DLEC1: variants seen among roughly 807,000 people sequenced by gnomAD.
The protein encoded by DLEC1 is DLEC1 cilia and flagella associated protein, also known as deleted in lung and esophageal cancer protein 1.
DLEC1 carries 146 observed loss-of-function variants against 198.1 expected under a neutral mutation model. The ratio of observed to expected loss-of-function variants is 0.74; its 90% confidence interval spans 0.64 to 0.85. The LOEUF is 0.85. Among genes scored for constraint, DLEC1 ranks in the 40% least tolerant of loss-of-function variants. The pLI is 0.00. For missense variants in DLEC1, 2,233 were observed against 2,220.0 expected (o/e 1.01, Z -0.12); for synonymous variants, 897 against 866.8 (o/e 1.03, Z -0.61).
chr3:38,117,396 G>C (rs964014520), intron 31 of DLEC1, 94 bp downstream of exon 31: 2 of 1,598,628 alleles, frequency 1.3e-6, no homozygotes, highest in Admixed American at 3.4e-5. Flanking sequence ...CAGAGCAAAA[G>C]GACGGGCATG....
intron 6 of DLEC1, among the ~76,000 whole-genome samples, chr3:38,076,410 G>A (rs1559420446): frequency 6.6e-6 from 1 of 152,120 alleles, no homozygotes. Context: ...GAGATGGGGT[G>A]GGGCTGTTTT....
chr3:38,075,246 C>A (rs1697545448), intron 6 of DLEC1, among the ~76,000 whole-genome samples: 1 of 152,016 alleles, frequency 6.6e-6, no homozygotes, highest in Non-Finnish European at 1.5e-5. Context: ...AGGGAGGGAA[C>A]AAAGTGTGAA....
rs773163523 is a variant in DLEC1, at chr3:38,114,447, G to A, written c.3772G>A (p.Glu1258Lys). ...TSYTIDQAQK[E>K]PAMRFGTQVS... Reference sequence around the variant, plus strand: ...CTACACTATTGACCAGGCCCAGAAGGAACCAGCCATGAGGTGCTCCATGCT... The same window carrying A: ...CTACACTATTGACCAGGCCCAGAAGAAACCAGCCATGAGGTGCTCCATGCT... Residue 1258 changes from glutamate to lysine, a missense_variant, in exon 26 of 37, where the codon GAA becomes AAA. Physicochemically the swap from Glu to Lys is moderately conservative, Grantham distance 56. Coordinates refer to ENST00000308059, the MANE Select transcript of DLEC1 (RefSeq NM_007335.4). 10 of 1,614,056 alleles carry A rather than the reference G, an allele frequency of 6.2e-6. No homozygotes were observed. The highest frequency in any genetic ancestry group is 1.1e-5 in the South Asian group (1 of 91,092).
Position 38,122,087 on chromosome 3 carries a change from C to G in DLEC1, c.5037C>G (p.Ala1679=). 1 of 1,614,056 alleles carries G rather than the reference C, an allele frequency of 6.2e-7. No individual in the cohort carries two copies. ...WTMLMGQQEP[A]KAAVAFRVSP... is the part of the protein sequence containing the mutation. ...TTGGTGCAGGCCAGCAGGAGCCAGC[C>G]AAGGCCGCTGTGGCCTTCAGGGTCT... The change falls in exon 36 of 37, where the codon GCC becomes GCG. Residue 1679 remains alanine (A), a synonymous_variant. Transcript: ENST00000308059.
intron 19 of DLEC1, among the ~76,000 whole-genome samples, chr3:38,105,491 A>G (rs1478952315): frequency 6.6e-6 from 1 of 151,938 alleles, no homozygotes; most frequent in Non-Finnish European, 1.5e-5. Context: ...ATATCTTTCT[A>G]ATTTATCTTT....
intron 6 of DLEC1, among the ~76,000 whole-genome samples, chr3:38,081,517 G>A (rs1386171832): frequency 1.0e-5 from 1 of 99,084 alleles, no homozygotes; most frequent in Non-Finnish European, 2.0e-5. Flanking sequence ...CAGTAGGGGC[G>A]GCCGGGCAGA....
chr3:38,091,213 C>G (rs942145854), intron 10 of DLEC1, among the ~76,000 whole-genome samples: 1 of 152,096 alleles, frequency 6.6e-6, no homozygotes, highest in Non-Finnish European at 1.5e-5. Flanking sequence ...TGCGGTGGCT[C>G]AGCACTTTGG....
In DLEC1 at chr3:38,039,415, C is replaced by A; in HGVS notation, c.190C>A (p.Arg64Ser). Residue 64 changes from arginine (R) to serine (S), a missense_variant, in exon 1 of 37, where the codon CGC (arginine) becomes AGC (serine). Arg to Ser is a moderately radical substitution (Grantham distance 110, BLOSUM62 -1). Transcript: ENST00000308059. ...CCACTACAGCTTCGCAGCCCGGCCC[C>A]GCCGCCTCACGCAGCTTGCGCTGGC... ...AFHYSFAARPRRLTQLALAQR... is the reference protein window; with the variant it reads ...AFHYSFAARPSRLTQLALAQR... 1 of 1,613,724 alleles carries A rather than the reference C, an allele frequency of 6.2e-7. No individual in the cohort carries two copies. The highest frequency in any genetic ancestry group is 8.5e-7 in the Non-Finnish European group (1 of 1,179,832).
Position 38,118,000 on chromosome 3 carries a change from G to A in DLEC1, c.4680G>A (p.Val1560=). The A allele has an allele frequency of 1.2e-6, 2 of 1,609,148 alleles. No individual in the cohort carries two copies. The highest frequency in any genetic ancestry group is 1.7e-6 in the Non-Finnish European group (2 of 1,177,746). The change falls in exon 33 of 37, where the codon GTG becomes GTA. Residue 1560 remains valine, a synonymous_variant. Transcript: ENST00000308059. ...CAGCCTCAGCGGACAAGCAGCTGGT[G>A]CTCCAAGCACAGGAGAACATGCTGG... ...EETASADKQL[V]LQAQENMLVN...
Position 38,084,041 on chromosome 3 carries a change from C to T in DLEC1, c.1174-117C>T, listed in dbSNP as rs547371627. On this transcript the variant is annotated intron_variant, in intron 6 of 36. Transcript: ENST00000308059. Reference sequence around the variant, plus strand: ...AGCTTCGACAGTTACCAACATGTGGCCAAGCCTATTTCATTTCTACCTCTA... The same window carrying T: ...AGCTTCGACAGTTACCAACATGTGGTCAAGCCTATTTCATTTCTACCTCTA... 9 of 943,166 alleles carry T rather than the reference C, an allele frequency of 9.5e-6. No individual in the cohort carries two copies. The African/African-American group carries it at 1.3e-4, about 14-fold the overall frequency. 58.4% of individuals were successfully genotyped at this position (943,166 alleles called of 1,614,324 possible).
Position 38,116,541 on chromosome 3 carries a change from G to T in DLEC1, c.3945G>T (p.Pro1315=). The change falls in exon 28 of 37, where the codon CCG becomes CCT. Residue 1315 remains proline, a synonymous_variant. Coordinates refer to ENST00000308059, the MANE Select transcript of DLEC1 (RefSeq NM_007335.4). Reference sequence around the variant, plus strand: ...TGGTGTTTTATGGGCCACCTTTCCCGCTGCGGGACCAAGCCGGGAATGAGC... The same window carrying T: ...TGGTGTTTTATGGGCCACCTTTCCCTCTGCGGGACCAAGCCGGGAATGAGC... ...ELLVFYGPPF[P]LRDQAGNELV... The T allele has an allele frequency of 6.2e-7, 1 of 1,614,124 alleles. No homozygotes were observed. Among genetic ancestry groups the T allele is most frequent in the African/African-American group, 1.3e-5 (1 of 75,038 alleles).
At chr3:38,070,071 G>T (rs554968567) in intron 6 of DLEC1, among the ~76,000 whole-genome samples, 2 of 152,270 alleles carry the variant, frequency 1.3e-5, no homozygotes, top group South Asian at 4.2e-4. Flanking sequence ...ATTAACAAAA[G>T]ATGTGTACCT....
intron 2 of DLEC1, among the ~76,000 whole-genome samples, chr3:38,051,308 A>G (rs1370595178): frequency 6.6e-6 from 1 of 152,238 alleles, no homozygotes; most frequent in African/African-American, 2.4e-5. Flanking sequence ...CTGATCGCTC[A>G]GCGGCAGTGG....
Position 38,092,946 on chromosome 3 carries a change from C to T in DLEC1, c.1756+66C>T, listed in dbSNP as rs563786573. ...TGCCCCAGCTCCAGGGGCCACTGAC[C>T]ACAGTAGCATTAGCGGCAGCCCACC... is the stretch of plus-strand genomic sequence containing the variant. On this transcript the variant is annotated intron_variant, in intron 11 of 36. Coordinates refer to ENST00000308059, the MANE Select transcript of DLEC1 (RefSeq NM_007335.4). 4,164 of 1,483,746 alleles carry T rather than the reference C, an allele frequency of 2.8e-3. 49 individuals are homozygous for T. The highest frequency in any genetic ancestry group is 2.2e-3 in the Non-Finnish European group (2,345 of 1,061,988). The allele number at this position is 1,483,746 out of a possible 1,614,324, so 91.9% of individuals were successfully genotyped here. A position where few individuals can be genotyped will look rare whatever the true frequency, so the allele number is the denominator to read the frequency against.
Position 38,123,839 on chromosome 3 carries a change from A to T in DLEC1, c.*1427A>T, listed in dbSNP as rs2125761735. ...AACATGGTGAAACCCTGTCTCCACC[A>T]AAAATACAAAAATTAGCTGGGTGTG... is the stretch of plus-strand genomic sequence containing the variant. On this transcript the variant is annotated 3_prime_UTR_variant, in exon 37 of 37. Transcript: ENST00000308059. 1.3e-5 allele frequency: 2 copies of T among 152,228 alleles called. No individual in the cohort carries two copies. Among genetic ancestry groups the T allele is most frequent in the East Asian group, 3.9e-4 (2 of 5,188 alleles). The allele number at this position is 152,228 out of a possible 1,614,324, so 9.4% of individuals were successfully genotyped here.
At chr3:38,062,957 G>C (rs1265190041) in intron 5 of DLEC1, among the ~76,000 whole-genome samples, 156 bp downstream of exon 5, 2 of 152,118 alleles carry the variant, frequency 1.3e-5, no homozygotes, top group Non-Finnish European at 2.9e-5. Context: ...CCACTGGTGT[G>C]GCCTTTGAAC....
At position 38,059,743 on chromosome 3, in the gene DLEC1, G is replaced by A. The variant is rs1284143872; in HGVS notation, c.564G>A (p.Val188=). 5 of 1,613,436 alleles carry A rather than the reference G, an allele frequency of 3.1e-6. No individual in the cohort carries two copies. Among genetic ancestry groups the A allele is most frequent in the South Asian group, 1.1e-5 (1 of 90,964 alleles). Residue 188 remains valine (V), a splice_region_variant and synonymous_variant, in exon 3 of 37, where the codon GTG becomes GTA. Transcript: ENST00000308059. ...GTTCTCCCCTTCCCTTCTATGAAGT[G>A]AAGAGTGTCTCCAGATGGTGTATAG... is the stretch of plus-strand genomic sequence containing the variant. ...DLESLVRLPP[V]KSVSRWCIDS... is the part of the protein sequence containing the mutation.
chr3:38,103,187 A>G (rs1444155908), intron 19 of DLEC1: 1 of 152,046 alleles, frequency 6.6e-6, no homozygotes, highest in Non-Finnish European at 1.5e-5. Context: ...TCCAATCTCT[A>G]TGTCCATATG....
intron 6 of DLEC1, among the ~76,000 whole-genome samples, chr3:38,074,508 G>A (rs1044645411): frequency 1.3e-5 from 2 of 152,178 alleles, no homozygotes; most frequent in Non-Finnish European, 2.9e-5. Context: ...TCTTTACCTT[G>A]GGTAGTTTCT....
Sources: allele counts gnomAD v4.1 joint callset (sites outside exome capture counted in the v4.1 genomes callset), GRCh38; gene constraint gnomAD v4.1.1; transcripts MANE v1.5; gene names NCBI Gene and HGNC (gene_info 2026-07-23, HGNC 2026-07-21).